The following ARIH2 variants were observed in gnomAD, a reference collection of about 807,000 sequenced individuals.
ARIH2 encodes E3 ubiquitin-protein ligase ARIH2.
In ARIH2, 12 loss-of-function variants were observed where a neutral mutation model predicts 79.8. The ratio of observed to expected loss-of-function variants is 0.15; its 90% CI spans 0.10 to 0.24. The LOEUF (loss-of-function observed/expected upper bound fraction) is 0.24. Ranked by LOEUF, ARIH2 falls within the 10% of genes least tolerant of loss-of-function variation. ARIH2 has a pLI of 1.00. For missense variants in ARIH2, 301 were observed against 618.3 expected (o/e 0.49, Z 5.44); for synonymous variants, 224 against 213.9 (o/e 1.05, Z -0.41).
intron 5 of ARIH2, among the ~76,000 whole-genome samples, chr3:48,965,933 C>A (rs1295576287): frequency 6.7e-6 from 1 of 150,258 alleles, no homozygotes; most frequent in Non-Finnish European, 1.5e-5. Flanking sequence ...TGCATGCACT[C>A]CAGCCTGGGC....
chr3:48,984,042 A>G lies in ARIH2; in HGVS notation c.*772A>G, dbSNP rs1177584214. On this transcript the variant is annotated 3_prime_UTR_variant, in exon 16 of 16. Coordinates refer to ENST00000356401, the MANE Select transcript of ARIH2 (RefSeq NM_006321.4). Reference sequence around the variant, plus strand: ...TACTGAGGCTAGAGCCCACAGCAGAATGGGGTTGGGCCTGTGGCCCCCCAA... The same window carrying G: ...TACTGAGGCTAGAGCCCACAGCAGAGTGGGGTTGGGCCTGTGGCCCCCCAA... The G allele has an allele frequency of 2.6e-5, 4 of 152,302 alleles. No homozygotes were observed. Among genetic ancestry groups the G allele is most frequent in the Non-Finnish European group, 5.9e-5 (4 of 68,054 alleles). The allele number at this position is 152,302 out of a possible 1,614,324, so 9.4% of individuals were successfully genotyped here.
chr3:48,933,642 C>T (rs532324533), intron 3 of ARIH2, among the ~76,000 whole-genome samples: 8 of 150,586 alleles, frequency 5.3e-5, no homozygotes, highest in South Asian at 2.1e-4. Flanking sequence ...CTCCGCCTAC[C>T]GGGTTCATAC....
chr3:48,960,456 TA>T (rs56946572), intron 3 of ARIH2, among the ~76,000 whole-genome samples: 175 of 136,316 alleles, frequency 1.3e-3, no homozygotes, highest in Admixed American at 2.0e-3. Flanking sequence ...GCTCATTATT[TA>T]AAAAAAAAAA....
chr3:48,926,426 C>T (rs1559712398), intron 2 of ARIH2, among the ~76,000 whole-genome samples: 1 of 151,966 alleles, frequency 6.6e-6, no homozygotes, highest in Non-Finnish European at 1.5e-5. Context: ...TGTCACCACG[C>T]CTGCTTAATT....
rs569778317 is a variant in ARIH2, at chr3:48,949,750, T to C, written c.256-11862T>C. Among the ~76,000 whole-genome samples, 92 of 152,324 alleles carry C rather than the reference T, an allele frequency of 6.0e-4. 2 individuals carry two copies. In the South Asian group the frequency reaches 0.018, roughly 30 times the overall value. ...TACTGAGTTCTAAGAGAGAATTCTTTACATAGTTTGAATTATTTTATCAGA... is the reference window on the plus strand; with the variant it reads ...TACTGAGTTCTAAGAGAGAATTCTTCACATAGTTTGAATTATTTTATCAGA... On this transcript the variant is annotated intron_variant, in intron 3 of 15. Transcript: ENST00000356401.
At chr3:48,980,303 TG>T in intron 12 of ARIH2, 49 bp from the exon 13 acceptor site, 1 of 1,598,354 alleles carries the variant, frequency 6.3e-7, no homozygotes, top group Non-Finnish European at 8.5e-7. Flanking sequence ...TGTAGACCTC[TG>T]CACCTTCATG....
At chr3:48,934,807 C>T in intron 3 of ARIH2, 1 of 985,332 alleles carries the variant, frequency 1.0e-6, no homozygotes, top group Non-Finnish European at 1.2e-6. Flanking sequence ...CGCTGTGTAC[C>T]TGATACCATA....
intron 3 of ARIH2, among the ~76,000 whole-genome samples, chr3:48,940,165 C>T (rs898467933): frequency 7.3e-5 from 11 of 151,642 alleles, no homozygotes; most frequent in African/African-American, 2.7e-4. Flanking sequence ...AAGATCGCGC[C>T]ACTGCACTCC....
rs779539730 is a variant in ARIH2 at position 48,918,863 on chromosome 3, C to T, written c.-297C>T. 4 of 1,610,560 alleles carry T rather than the reference C, an allele frequency of 2.5e-6. No homozygotes were observed. Among genetic ancestry groups the T allele is most frequent in the Non-Finnish European group, 3.4e-6 (4 of 1,179,602 alleles). ...TTCCGGAGCTGTGGGGACGACTCTT[C>T]TGGAGGAAGCAGCGCGGGCTTGACC... On this transcript the variant is annotated 5_prime_UTR_variant, in exon 1 of 16. Coordinates refer to ENST00000356401, the MANE Select transcript of ARIH2 (RefSeq NM_006321.4).
At chr3:48,963,936 C>G (rs1283092781) in intron 4 of ARIH2, among the ~76,000 whole-genome samples, 2 of 152,210 alleles carry the variant, frequency 1.3e-5, no homozygotes, top group Non-Finnish European at 2.9e-5. Flanking sequence ...CTTCCCCCTT[C>G]TCCCATGTCC....
chr3:48,933,913 A>C (rs1373520402), intron 3 of ARIH2, among the ~76,000 whole-genome samples: 4 of 152,038 alleles, frequency 2.6e-5, no homozygotes, highest in African/African-American at 9.7e-5. Flanking sequence ...AATTATCACA[A>C]ATGTTTTTAC....
At chr3:48,932,686 G>A (rs776872354) in intron 3 of ARIH2, among the ~76,000 whole-genome samples, 1 of 152,202 alleles carries the variant, frequency 6.6e-6, no homozygotes, top group Admixed American at 6.5e-5. Context: ...TTTGTGATGG[G>A]TCAAGAGTCT....
At chr3:48,975,144 T>C (rs1576519670) in intron 11 of ARIH2, 165 bp downstream of exon 11, 7 of 1,230,784 alleles carry the variant, frequency 5.7e-6, no homozygotes, top group Non-Finnish European at 7.8e-6. Context: ...ATTTTTATTT[T>C]CTGTTTTTTG....
intron 3 of ARIH2, among the ~76,000 whole-genome samples, chr3:48,950,670 A>AT (rs1466291695): frequency 6.6e-6 from 1 of 152,190 alleles, no homozygotes; most frequent in African/African-American, 2.4e-5. Context: ...GCCATTGCTC[A>AT]TTTGAAATAC....
chr3:48,946,883 T>C (rs983559419), intron 3 of ARIH2, among the ~76,000 whole-genome samples: 1 of 152,146 alleles, frequency 6.6e-6, no homozygotes, highest in Admixed American at 6.5e-5. Flanking sequence ...CTCTTCACAA[T>C]AAACTTTATG....
At chr3:48,980,317 A>G (rs982511483) in intron 12 of ARIH2, 36 bp from the exon 13 acceptor site, 2 of 1,605,156 alleles carry the variant, frequency 1.2e-6, no homozygotes, top group African/African-American at 1.3e-5. Flanking sequence ...CCTTCATGGG[A>G]CTCCTGTGGT....
At chr3:48,941,812 G>A (rs2088302392) in intron 3 of ARIH2, among the ~76,000 whole-genome samples, 1 of 151,124 alleles carries the variant, frequency 6.6e-6, no homozygotes, top group Non-Finnish European at 1.5e-5. Flanking sequence ...TCGATCTCCT[G>A]ACCTCGTGAT....
chr3:48,974,779 T>C (rs1194642097), intron 9 of ARIH2, 38 bp from the exon 10 acceptor site: 1 of 1,610,218 alleles, frequency 6.2e-7, no homozygotes. Context: ...ACCAACCTGG[T>C]GGTGTGTGAG....
chr3:48,959,649 C>CAAAAAAAAAAAAAA (rs71077758), intron 3 of ARIH2, among the ~76,000 whole-genome samples: 528 of 49,894 alleles, frequency 0.011, 3 homozygotes, highest in Non-Finnish European at 0.013. Flanking sequence ...TAAAAAATAC[C>CAAAAAAAAAAAAAA]AAAAAAAAAA....
Sources: gnomAD v4.1 joint callset for allele counts (sites outside exome capture counted in the v4.1 genomes callset) on GRCh38, gnomAD v4.1.1 for gene constraint, MANE v1.5 for transcripts, NCBI Gene and HGNC (gene_info 2026-07-23, HGNC 2026-07-21) for gene names.